Variants in CACNG3 observed in about 807,000 individuals in gnomAD.
CACNG3 encodes voltage-dependent calcium channel gamma-3 subunit.
Under a neutral mutation model 28.5 loss-of-function variants are expected in CACNG3, and 3 were observed. The ratio of observed to expected loss-of-function variants is 0.11; its 90% CI spans 0.05 to 0.27. The LOEUF (loss-of-function observed/expected upper bound fraction) is 0.27, where lower values mean the gene tolerates loss of function less well. CACNG3 is among the 10% of genes least tolerant of loss of function. The pLI is 1.00. For missense variants in CACNG3, 236 were observed against 414.4 expected, an observed-to-expected ratio of 0.57 and a Z score of 3.74; for synonymous variants, 174 against 162.2, an observed-to-expected ratio of 1.07 and a Z score of -0.55.
chr16:24,345,678 C>T (rs1055706761), intron 1 of CACNG3, among the ~76,000 whole-genome samples: 10 of 152,072 alleles, frequency 6.6e-5, no homozygotes, highest in African/African-American at 1.4e-4. Context: ...CCAAACTGGG[C>T]GACAAGAGAG....
At chr16:24,321,241 G>A (rs759814932) in intron 1 of CACNG3, among the ~76,000 whole-genome samples, 34 of 152,140 alleles carry the variant, frequency 2.2e-4, no homozygotes, top group African/African-American at 2.9e-4. Flanking sequence ...AGGCTGAGGC[G>A]GGAGGATCAC....
intron 1 of CACNG3, among the ~76,000 whole-genome samples, chr16:24,335,867 G>C (rs545840671): frequency 5.3e-5 from 8 of 152,216 alleles, no homozygotes; most frequent in African/African-American, 1.9e-4. Context: ...TTGAGGCCAG[G>C]AGTTGGAGAC....
intron 3 of CACNG3, among the ~76,000 whole-genome samples, chr16:24,360,255 A>G (rs1032401422): frequency 6.6e-6 from 1 of 152,278 alleles, no homozygotes; most frequent in African/African-American, 2.4e-5. Context: ...GACAAAAAAA[A>G]AGACATATCC....
chr16:24,286,487 C>T (rs1327224148), intron 1 of CACNG3, among the ~76,000 whole-genome samples: 2 of 151,674 alleles, frequency 1.3e-5, no homozygotes, highest in Non-Finnish European at 2.9e-5. Flanking sequence ...GAAAGGAGAT[C>T]CCCTAGAATG....
chr16:24,280,821 C>CAAAAAA (rs71154295), intron 1 of CACNG3, among the ~76,000 whole-genome samples: 3,645 of 55,642 alleles, frequency 0.066, 684 homozygotes, highest in Non-Finnish European at 0.08. Flanking sequence ...GAGTTTGTCT[C>CAAAAAA]AAAAAAAAAA....
intron 2 of CACNG3, among the ~76,000 whole-genome samples, chr16:24,349,542 C>T (rs957355299): frequency 3.9e-5 from 6 of 152,168 alleles, no homozygotes; most frequent in Admixed American, 6.5e-5. Flanking sequence ...ACTGAGGGTT[C>T]CTCCCACTTT....
intron 1 of CACNG3, among the ~76,000 whole-genome samples, chr16:24,341,783 G>A (rs896445775): frequency 6.6e-6 from 1 of 152,078 alleles, no homozygotes; most frequent in African/African-American, 2.4e-5. Flanking sequence ...TACAGGGCCA[G>A]GCAAGAATAT....
At chr16:24,339,222 T>C (rs1324756172) in intron 1 of CACNG3, among the ~76,000 whole-genome samples, 1 of 152,190 alleles carries the variant, frequency 6.6e-6, no homozygotes, top group Admixed American at 6.5e-5. Context: ...TTTCTCTGTA[T>C]TGAAAAAATA....
intron 1 of CACNG3, among the ~76,000 whole-genome samples, chr16:24,275,345 G>A (rs1898740196): frequency 6.6e-6 from 1 of 152,158 alleles, no homozygotes; most frequent in Admixed American, 6.5e-5. Flanking sequence ...ACTTGCAGGG[G>A]AAGAAAATGC....
chr16:24,283,947 G>A lies in CACNG3; in HGVS notation c.211+26982G>A, dbSNP rs1898862311. Among the ~76,000 whole-genome samples, 6 of 152,258 alleles carry A rather than the reference G, an allele frequency of 3.9e-5. No individual in the cohort carries two copies. The South Asian group carries it at 1.2e-3, about 32-fold the overall frequency. On this transcript the variant is annotated intron_variant, in intron 1 of 3. Coordinates refer to ENST00000005284, the MANE Select transcript of CACNG3 (RefSeq NM_006539.4). ...TCTTTATCATACTATCAAGATTTCT[G>A]TCAATGTCCACTTAACTAAGAATTC...
chr16:24,302,694 C>G (rs1180903974), intron 1 of CACNG3, among the ~76,000 whole-genome samples: 2 of 151,956 alleles, frequency 1.3e-5, no homozygotes, highest in Non-Finnish European at 2.9e-5. Flanking sequence ...GAGTCATGCT[C>G]TGTTGCCCAG....
chr16:24,339,574 C>G (rs1423005678), intron 1 of CACNG3, among the ~76,000 whole-genome samples: 1 of 152,034 alleles, frequency 6.6e-6, no homozygotes, highest in Non-Finnish European at 1.5e-5. Context: ...TTAGTAAAGA[C>G]GGGGTTTCAC....
intron 1 of CACNG3, among the ~76,000 whole-genome samples, chr16:24,307,664 T>C (rs1230552370): frequency 1.3e-5 from 2 of 152,176 alleles, no homozygotes; most frequent in Non-Finnish European, 2.9e-5. Flanking sequence ...TATGCTCCAC[T>C]GTAAACTCTA....
At chr16:24,360,096 G>T (rs1204801538) in intron 3 of CACNG3, among the ~76,000 whole-genome samples, 2 of 152,132 alleles carry the variant, frequency 1.3e-5, no homozygotes, top group African/African-American at 4.8e-5. Flanking sequence ...ACCAACTGTT[G>T]TCGGAAACTA....
intron 1 of CACNG3, among the ~76,000 whole-genome samples, chr16:24,326,174 CTTTT>C (rs58752966): frequency 1.4e-5 from 2 of 140,970 alleles, no homozygotes; most frequent in Non-Finnish European, 1.5e-5. Context: ...TTTCTTTTTT[CTTTT>C]TTTTTTTTTT....
At chr16:24,353,487 T>G (rs1289759533) in intron 2 of CACNG3, among the ~76,000 whole-genome samples, 1 of 152,144 alleles carries the variant, frequency 6.6e-6, no homozygotes, top group African/African-American at 2.4e-5. Context: ...CCCAACCACA[T>G]GGGGCCCCTC....
At chr16:24,336,432 C>T (rs1206778591) in intron 1 of CACNG3, among the ~76,000 whole-genome samples, 1 of 151,626 alleles carries the variant, frequency 6.6e-6, no homozygotes, top group Admixed American at 6.6e-5. Flanking sequence ...CCACTACACC[C>T]GGCTAATTTT....
chr16:24,340,719 T>G lies in CACNG3; in HGVS notation c.212-6015T>G, dbSNP rs145829740. 8.6e-3 allele frequency among the ~76,000 whole-genome samples: 1,307 copies of G among 152,260 alleles called. 20 individuals carry two copies. The highest frequency in any genetic ancestry group is 0.055 in the Middle Eastern group (16 of 292). ...AAAAGCCAGTCTCTACAACTGCACTTCAACACCTCCGGAAATCTCTTTTGG... is the reference window on the plus strand; with the variant it reads ...AAAAGCCAGTCTCTACAACTGCACTGCAACACCTCCGGAAATCTCTTTTGG... On this transcript the variant is annotated intron_variant, in intron 1 of 3. Coordinates refer to ENST00000005284, the MANE Select transcript of CACNG3 (RefSeq NM_006539.4).
chr16:24,337,149 CGT>C (rs1157849540), intron 1 of CACNG3, among the ~76,000 whole-genome samples: 1 of 152,106 alleles, frequency 6.6e-6, no homozygotes, highest in Admixed American at 6.6e-5. Context: ...CTTGAGAGGA[CGT>C]GAGCATTCAG....
Sources: gnomAD v4.1 joint callset for allele counts (sites outside exome capture counted in the v4.1 genomes callset) on GRCh38, gnomAD v4.1.1 for gene constraint, MANE v1.5 for transcripts, NCBI Gene and HGNC (gene_info 2026-07-23, HGNC 2026-07-21) for gene names.